The following CLIC6 variants were observed in gnomAD, a reference collection of about 807,000 sequenced individuals.
CLIC6 encodes CLIC family member 6.
CLIC6 carries 39 observed loss-of-function variants against 49.2 expected under a neutral mutation model. The ratio of observed to expected loss-of-function variants is 0.79; its 90% confidence interval spans 0.61 to 1.04. The LOEUF (loss-of-function observed/expected upper bound fraction) is 1.04, where lower values mean the gene tolerates loss of function less well. CLIC6 is among the 50% of genes least tolerant of loss of function. The pLI is 0.00. For synonymous variants in CLIC6, 446 were observed against 433.4 expected (o/e 1.03, Z -0.36); for missense variants, 988 against 993.1 (o/e 0.99, Z 0.07).
intron 1 of CLIC6, among the ~76,000 whole-genome samples, chr21:34,695,506 C>T (rs1990074259): frequency 6.6e-6 from 1 of 152,346 alleles, no homozygotes. Context: ...CGAGTAAATG[C>T]CCCAGAGCTT....
intron 1 of CLIC6, among the ~76,000 whole-genome samples, chr21:34,674,022 TCAAA>T (rs907585867): frequency 1.3e-5 from 2 of 152,204 alleles, no homozygotes; most frequent in African/African-American, 4.8e-5. Context: ...CAATATTCTC[TCAAA>T]CATTCTCCTA....
At chr21:34,679,696 G>C (rs1989739076) in intron 1 of CLIC6, among the ~76,000 whole-genome samples, 5 of 152,204 alleles carry the variant, frequency 3.3e-5, no homozygotes. Context: ...GGAGAAGTTG[G>C]CCAAAACAGA....
Position 34,685,246 on chromosome 21 carries a change from T to C in CLIC6, c.1374+14484T>C, listed in dbSNP as rs113346854. Among the ~76,000 whole-genome samples the C allele has an allele frequency of 1.9e-4, 29 of 152,266 alleles. 1 individual carries two copies. Among genetic ancestry groups the C allele is most frequent in the African/African-American group, 6.7e-4 (28 of 41,562 alleles). On this transcript the variant is annotated intron_variant, in intron 1 of 5. Coordinates refer to ENST00000349499, the MANE Select transcript of CLIC6 (RefSeq NM_053277.3). ...TAGCCACCTGGGGACATGGGGATGA[T>C]GAATCAAAGCAGAGATGAACAGAGG...
At chr21:34,681,946 T>G (rs1989787143) in intron 1 of CLIC6, among the ~76,000 whole-genome samples, 1 of 152,220 alleles carries the variant, frequency 6.6e-6, no homozygotes, top group East Asian at 1.9e-4. Flanking sequence ...GGTTTACATC[T>G]TGCTTTCTTC....
chr21:34,694,234 C>T (rs1644607257), intron 1 of CLIC6, among the ~76,000 whole-genome samples: 3 of 104,798 alleles, frequency 2.9e-5, no homozygotes, highest in Non-Finnish European at 6.8e-5. Flanking sequence ...CTGCCTCAGC[C>T]TCCGAAAGTG....
At chr21:34,711,528 CAAATAAATAAATAAAT>C (rs35370301) in intron 5 of CLIC6, among the ~76,000 whole-genome samples, 11,604 of 148,334 alleles carry the variant, frequency 0.078, 516 homozygotes, top group Middle Eastern at 0.22. Context: ...AATAAACAAA[CAAATAAATAAATAAAT>C]AAATAAATAA....
chr21:34,706,186 C>T (rs2056013365), intron 1 of CLIC6: 1 of 541,066 alleles, frequency 1.8e-6, no homozygotes, highest in South Asian at 2.8e-5. Flanking sequence ...CCTCACAAAG[C>T]TCACAGTCGT....
At chr21:34,708,602 A>AT (rs1362730014) in intron 3 of CLIC6, 98 bp from the exon 4 acceptor site, 12 of 833,210 alleles carry the variant, frequency 1.4e-5, no homozygotes, top group South Asian at 1.1e-4. Flanking sequence ...AAAGCTTTTC[A>AT]TTTTTATGCC....
intron 1 of CLIC6, among the ~76,000 whole-genome samples, chr21:34,676,629 GAGC>G (rs954016738): frequency 6.6e-6 from 1 of 152,186 alleles, no homozygotes; most frequent in African/African-American, 2.4e-5. Flanking sequence ...GATGGACGAT[GAGC>G]AGCAGGCCAT....
rs1989466987 is a variant in CLIC6 at position 34,669,095 on chromosome 21, T to C, written c.-294T>C. Among the ~76,000 whole-genome samples, 1 of 152,010 alleles carries C rather than the reference T, an allele frequency of 6.6e-6. No individual in the cohort carries two copies. Among genetic ancestry groups the C allele is most frequent in the South Asian group, 2.1e-4 (1 of 4,804 alleles). The stretch of plus-strand genomic sequence containing the variant: ...GCACCTCCGCGGCCCGCGGGCGAGA[T>C]TGGGGTCCCGGTGGGAAGCAGACGC... On this transcript the variant is annotated 5_prime_UTR_variant, in exon 1 of 6. Transcript: ENST00000349499.
intron 1 of CLIC6, among the ~76,000 whole-genome samples, chr21:34,697,242 C>A (rs74499848): frequency 4.6e-5 from 7 of 152,026 alleles, no homozygotes; most frequent in African/African-American, 9.7e-5. Context: ...AACTGCATCT[C>A]TAGTTGAGCT....
chr21:34,672,662 G>T (rs1181900790), intron 1 of CLIC6, among the ~76,000 whole-genome samples: 1 of 152,226 alleles, frequency 6.6e-6, no homozygotes, highest in Admixed American at 6.5e-5. Flanking sequence ...ATGTGGTGAA[G>T]GCTTGAATGG....
At chr21:34,707,865 G>T in intron 2 of CLIC6, 79 bp from the exon 3 acceptor site, 4 of 1,510,226 alleles carry the variant, frequency 2.6e-6, no homozygotes, top group Non-Finnish European at 3.6e-6. Flanking sequence ...TCTTAAACTG[G>T]TGAGGACGCG....
intron 1 of CLIC6, among the ~76,000 whole-genome samples, chr21:34,689,989 C>G (rs137906526): frequency 6.6e-6 from 1 of 152,198 alleles, no homozygotes; most frequent in African/African-American, 2.4e-5. Context: ...AGTCTTGAGG[C>G]TAGACAAGTT....
At chr21:34,679,790 A>C (rs1468966890) in intron 1 of CLIC6, among the ~76,000 whole-genome samples, 2 of 150,306 alleles carry the variant, frequency 1.3e-5, no homozygotes, top group African/African-American at 4.9e-5. Context: ...CTTTGATCCC[A>C]TGTCTCAATC....
rs982434824 is a variant in CLIC6, at chr21:34,697,679, A to T, written c.1375-9601A>T. 3.3e-4 allele frequency among the ~76,000 whole-genome samples: 50 copies of T among 152,250 alleles called. 1 individual carries two copies. The highest frequency in any genetic ancestry group is 1.2e-3 in the African/African-American group (48 of 41,548). On this transcript the variant is annotated intron_variant, in intron 1 of 5. Transcript: ENST00000349499. ...CCAGGACTTAGGGGGAGATGGTGGG[A>T]TTTTCAGTTTTAAAATCAGGACAGT...
In CLIC6 at chr21:34,716,734, G is replaced by A; in HGVS notation, c.*252G>A. On this transcript the variant is annotated 3_prime_UTR_variant, in exon 6 of 6. Coordinates refer to ENST00000349499, the MANE Select transcript of CLIC6 (RefSeq NM_053277.3). ...TTGATATTTTAAAGCAATATCAGAGGGTGTAAAGAAGGACATTTTAACAAT... is the reference window on the plus strand; with the variant it reads ...TTGATATTTTAAAGCAATATCAGAGAGTGTAAAGAAGGACATTTTAACAAT... 4 of 262,934 alleles carry A rather than the reference G, an allele frequency of 1.5e-5. No individual in the cohort carries two copies. The highest frequency in any genetic ancestry group is 7.4e-5 in the East Asian group (1 of 13,496). 16.3% of individuals were successfully genotyped at this position (262,934 alleles called of 1,614,324 possible).
intron 1 of CLIC6, among the ~76,000 whole-genome samples, chr21:34,692,156 T>C (rs1275146740): frequency 6.6e-6 from 1 of 152,054 alleles, no homozygotes; most frequent in Admixed American, 6.6e-5. Context: ...TTGCCACTTC[T>C]TCAGCCACCT....
intron 1 of CLIC6, among the ~76,000 whole-genome samples, chr21:34,680,029 C>T (rs886620380): frequency 6.6e-6 from 1 of 152,226 alleles, no homozygotes; most frequent in Non-Finnish European, 1.5e-5. Context: ...AGTGGGGACT[C>T]TGTGTGGGGG....
Sources: allele counts gnomAD v4.1 joint callset (sites outside exome capture counted in the v4.1 genomes callset), GRCh38; gene constraint gnomAD v4.1.1; transcripts MANE v1.5; gene names NCBI Gene and HGNC (gene_info 2026-07-23, HGNC 2026-07-21).